The following FNIP1 variants were observed in gnomAD, a reference collection of about 807,000 sequenced individuals.
FNIP1 encodes the protein folliculin-interacting protein 1.
In FNIP1, 40 loss-of-function variants were observed where a neutral mutation model predicts 124.5. The observed-to-expected ratio is 0.32, with a 90% CI of 0.25 to 0.42. FNIP1 has a LOEUF of 0.42. Among genes scored for constraint, FNIP1 ranks in the 10% least tolerant of loss-of-function variants. FNIP1 has a pLI of 1.00. For synonymous variants in FNIP1, 472 were observed against 470.6 expected, an observed-to-expected ratio of 1.00 and a Z score of -0.04; for missense variants, 1,176 against 1,403.7, an observed-to-expected ratio of 0.84 and a Z score of 2.59.
chr5:131,785,122 G>C (rs1328016931), intron 1 of FNIP1, among the ~76,000 whole-genome samples: 7 of 20,406 alleles, frequency 3.4e-4, no homozygotes, highest in South Asian at 2.7e-3. Context: ...TCATATATAT[G>C]ATATATATGA....
chr5:131,647,336 AT>A, intron 16 of FNIP1, 131 bp from the exon 17 acceptor site: 1 of 643,450 alleles, frequency 1.6e-6, no homozygotes, highest in Non-Finnish European at 2.7e-6. Flanking sequence ...TTTGGAGCAC[AT>A]TTTTAAAGTA....
intron 1 of FNIP1, among the ~76,000 whole-genome samples, chr5:131,788,951 G>T (rs1772309175): frequency 6.6e-6 from 1 of 152,008 alleles, no homozygotes; most frequent in African/African-American, 2.4e-5. Context: ...GTATGTCAAA[G>T]AAATATCTGC....
In FNIP1 at chr5:131,671,939, G is replaced by C. The variant is rs373191619; in HGVS notation, c.2505C>G (p.Phe835Leu). 7 of 1,614,000 alleles carry C rather than the reference G, an allele frequency of 4.3e-6. No individual in the cohort carries two copies. The highest frequency in any genetic ancestry group is 5.1e-6 in the Non-Finnish European group (6 of 1,180,030). ...TTGAATCATCATTAAAATATTCGTC[G>C]AATAAGCTCATGCTTTCTGGGTCTG... ...NHSDPESMSLFDEYFNDDSIE... is the reference protein window; with the variant it reads ...NHSDPESMSLLDEYFNDDSIE... Residue 835 changes from phenylalanine to leucine, a missense_variant, in exon 14 of 18, where the codon TTC (phenylalanine) becomes TTG (leucine). Phe to Leu is a conservative substitution (Grantham distance 22). Around this residue, in one of 2 missense-constraint regions of FNIP1, gnomAD observed 1,109 missense variants for 1,288.5 expected, o/e 0.86. Transcript: ENST00000510461.
chr5:131,731,463 G>A lies in FNIP1; in HGVS notation c.220-425C>T, dbSNP rs939542829. On this transcript the variant is annotated intron_variant, in intron 2 of 17. Transcript: ENST00000510461. ...GACACCAGGAGTTCAAGACCAGCCC[G>A]ACCAACAGGGAGAAACCCTGTCTCT... Among the ~76,000 whole-genome samples the A allele has an allele frequency of 3.9e-5, 6 of 151,956 alleles. No individual in the cohort carries two copies. The East Asian group carries it at 7.7e-4, about 20-fold the overall frequency.
At chr5:131,731,085 A>G (rs777831570) in intron 2 of FNIP1, 47 bp from the exon 3 acceptor site, 3 of 1,545,116 alleles carry the variant, frequency 1.9e-6, no homozygotes. Flanking sequence ...ATTTTTAACC[A>G]TATACAAATT....
intron 12 of FNIP1, 91 bp downstream of exon 12, chr5:131,678,933 TATAAA>T (rs1482894379): frequency 2.5e-5 from 20 of 815,554 alleles, no homozygotes; most frequent in South Asian, 1.5e-4. Flanking sequence ...TGATTAATAA[TATAAA>T]ATAATTCCAA....
At chr5:131,648,544 T>G (rs928497127) in intron 16 of FNIP1, among the ~76,000 whole-genome samples, 1 of 152,174 alleles carries the variant, frequency 6.6e-6, no homozygotes, top group African/African-American at 2.4e-5. Flanking sequence ...ACCAAATGGT[T>G]GTGGTTTTAT....
chr5:131,744,514 T>C (rs1278984922), intron 2 of FNIP1, 50 bp downstream of exon 2: 9 of 1,545,918 alleles, frequency 5.8e-6, no homozygotes, highest in Non-Finnish European at 7.0e-6. Flanking sequence ...ATACTGGAAT[T>C]ATCAAAATGT....
chr5:131,707,633 A>AT (rs780046740), intron 8 of FNIP1, among the ~76,000 whole-genome samples: 1 of 152,186 alleles, frequency 6.6e-6, no homozygotes, highest in Non-Finnish European at 1.5e-5. Context: ...AATTAGTATT[A>AT]TAAACTCTTG....
rs534409522 is a variant in FNIP1, at chr5:131,659,611, G to A, written c.3109-7612C>T. Among the ~76,000 whole-genome samples the A allele has an allele frequency of 5.8e-4, 88 of 152,290 alleles. 1 individual carries two copies. In the South Asian group the frequency reaches 0.017, roughly 30 times the overall value. ...GACACAGGATGGCACGGGGGAGGGCGTAACCCTCGTAGATGGGCACTGTGT... is the reference window on the plus strand; with the variant it reads ...GACACAGGATGGCACGGGGGAGGGCATAACCCTCGTAGATGGGCACTGTGT... On this transcript the variant is annotated intron_variant, in intron 15 of 17. Coordinates refer to ENST00000510461, the MANE Select transcript of FNIP1 (RefSeq NM_133372.3).
intron 1 of FNIP1, among the ~76,000 whole-genome samples, chr5:131,787,794 T>C (rs1772266143): frequency 6.6e-6 from 1 of 152,176 alleles, no homozygotes; most frequent in Non-Finnish European, 1.5e-5. Context: ...ATTAGAATTA[T>C]GATCTAGGAA....
intron 1 of FNIP1, among the ~76,000 whole-genome samples, chr5:131,768,001 A>T (rs1771496968): frequency 6.6e-6 from 1 of 152,202 alleles, no homozygotes; most frequent in Non-Finnish European, 1.5e-5. Flanking sequence ...TAGTGACTGT[A>T]ATTTACATTT....
rs372713928 is a variant in FNIP1 at position 131,680,654 on chromosome 5, C to T, written c.1203-1479G>A. 1.3e-4 allele frequency among the ~76,000 whole-genome samples: 20 copies of T among 152,254 alleles called. No individual in the cohort carries two copies. In the East Asian group the frequency reaches 1.5e-3, roughly 12 times the overall value. Reference sequence around the variant, plus strand: ...GAGAAGAACCAGCTGGGTGTGGTGGCTCACACCTGTAATCCCAGCTCTTTG... The same window carrying T: ...GAGAAGAACCAGCTGGGTGTGGTGGTTCACACCTGTAATCCCAGCTCTTTG... On this transcript the variant is annotated intron_variant, in intron 11 of 17. Transcript: ENST00000510461.
At chr5:131,756,976 G>T (rs1425678908) in intron 1 of FNIP1, among the ~76,000 whole-genome samples, 1 of 152,118 alleles carries the variant, frequency 6.6e-6, no homozygotes, top group Non-Finnish European at 1.5e-5. Flanking sequence ...CCAAAAGTAG[G>T]CAATGGATTA....
chr5:131,730,029 C>T (rs901241024), intron 3 of FNIP1, among the ~76,000 whole-genome samples: 13 of 152,334 alleles, frequency 8.5e-5, no homozygotes, highest in Non-Finnish European at 1.9e-4. Flanking sequence ...GCATGAGCCA[C>T]CATGCCCGGC....
In FNIP1 at chr5:131,647,567, G is replaced by A. The variant is rs188882181; in HGVS notation, c.3307-362C>T. ...CAGCTCACTGCAACTTCCGCCTCCC[G>A]GGTTCAAGCAATTCTCCTGCCTCAG... On this transcript the variant is annotated intron_variant, in intron 16 of 17. Coordinates refer to ENST00000510461, the MANE Select transcript of FNIP1 (RefSeq NM_133372.3). Among the ~76,000 whole-genome samples the A allele has an allele frequency of 2.3e-3, 351 of 152,076 alleles. 1 individual carries two copies. The highest frequency in any genetic ancestry group is 7.7e-3 in the African/African-American group (321 of 41,484).
chr5:131,706,110 T>C (rs184322741), intron 9 of FNIP1, among the ~76,000 whole-genome samples: 11 of 152,214 alleles, frequency 7.2e-5, no homozygotes, highest in Admixed American at 2.0e-4. Context: ...AGGAATTACG[T>C]TGAATGGATA....
chr5:131,657,424 T>C (rs887768398), intron 15 of FNIP1, among the ~76,000 whole-genome samples: 14 of 152,026 alleles, frequency 9.2e-5, no homozygotes, highest in African/African-American at 2.9e-4. Context: ...ACTGCAAGTG[T>C]TGAAGTAGTC....
intron 1 of FNIP1, among the ~76,000 whole-genome samples, chr5:131,783,434 A>G (rs994345462): frequency 2.6e-5 from 4 of 151,906 alleles, no homozygotes; most frequent in African/African-American, 9.7e-5. Context: ...AAATTAGGAG[A>G]GGAAAAAACA....
Sources: gnomAD v4.1 joint callset for allele counts (sites outside exome capture counted in the v4.1 genomes callset) on GRCh38, gnomAD v4.1.1 for gene constraint, gnomAD v4.1.1 regional missense constraint, MANE v1.5 for transcripts, NCBI Gene and HGNC (gene_info 2026-07-23, HGNC 2026-07-21) for gene names.